EEPD1: variants seen among roughly 807,000 people sequenced by gnomAD.
EEPD1 encodes the protein endonuclease/exonuclease/phosphatase family domain containing 1.
Under a neutral mutation model 46.3 loss-of-function variants are expected in EEPD1, and 17 were observed. The ratio of observed to expected loss-of-function variants is 0.37; its 90% CI spans 0.25 to 0.55. The LOEUF is 0.55. EEPD1 is among the 20% of genes least tolerant of loss of function. The pLI is 0.83. For missense variants in EEPD1, 673 were observed against 745.6 expected (o/e 0.90, Z 1.13); for synonymous variants, 313 against 315.6 (o/e 0.99, Z 0.09).
At position 36,195,578 on chromosome 7, in the gene EEPD1, A is replaced by G. The variant is rs546782514; in HGVS notation, c.878+40376A>G. Among the ~76,000 whole-genome samples, 12 of 152,340 alleles carry G rather than the reference A, an allele frequency of 7.9e-5. No individual in the cohort carries two copies. The South Asian group carries it at 1.7e-3, about 21-fold the overall frequency. ...AGAAGCAGAGAGTAGAATGGTGGTT[A>G]AAAGAGTTGGGGTGGGGGCTAGGGT... On this transcript the variant is annotated intron_variant, in intron 2 of 7. Transcript: ENST00000242108.
intron 2 of EEPD1, among the ~76,000 whole-genome samples, chr7:36,233,904 G>A (rs1786380787): frequency 1.3e-5 from 2 of 151,994 alleles, no homozygotes; most frequent in Admixed American, 1.3e-4. Context: ...TTTTTGGTGG[G>A]TTTTTTGTTT....
In EEPD1 at chr7:36,212,950, C is replaced by G. The variant is rs188146951; in HGVS notation, c.879-26035C>G. 6.0e-3 allele frequency among the ~76,000 whole-genome samples: 916 copies of G among 152,188 alleles called. 11 individuals are homozygous for G. Among genetic ancestry groups the G allele is most frequent in the African/African-American group, 0.021 (884 of 41,526 alleles). ...GGCAGATCGCCTGAGGTTAAGAGTT[C>G]AAGACCAGCCTGGCCAACATGATGA... On this transcript the variant is annotated intron_variant, in intron 2 of 7. Coordinates refer to ENST00000242108, the MANE Select transcript of EEPD1 (RefSeq NM_030636.3).
intron 2 of EEPD1, among the ~76,000 whole-genome samples, chr7:36,195,461 G>A (rs1314892504): frequency 1.3e-5 from 2 of 152,290 alleles, no homozygotes; most frequent in East Asian, 1.9e-4. Context: ...GAGAAGGCCC[G>A]ACACCTTTAT....
intron 3 of EEPD1, among the ~76,000 whole-genome samples, chr7:36,255,469 T>A (rs1487587342): frequency 1.3e-5 from 2 of 152,078 alleles, no homozygotes; most frequent in Non-Finnish European, 2.9e-5. Context: ...TCTTTATTAC[T>A]GCCTCAATTT....
chr7:36,266,617 A>C (rs764220396), intron 3 of EEPD1, among the ~76,000 whole-genome samples: 3 of 152,230 alleles, frequency 2.0e-5, no homozygotes, highest in Non-Finnish European at 2.9e-5. Flanking sequence ...TCTTAAAGTA[A>C]ACAATTCAGC....
At chr7:36,295,817 G>A (rs1583482917) in intron 6 of EEPD1, among the ~76,000 whole-genome samples, 1 of 152,092 alleles carries the variant, frequency 6.6e-6, no homozygotes, top group Non-Finnish European at 1.5e-5. Context: ...GATCACTTGA[G>A]GTCAGGAGTT....
At chr7:36,172,216 A>G (rs1785097034) in intron 2 of EEPD1, among the ~76,000 whole-genome samples, 1 of 152,192 alleles carries the variant, frequency 6.6e-6, no homozygotes, top group African/African-American at 2.4e-5. Context: ...GCCTCAGGAA[A>G]GTAGAATCTC....
At chr7:36,180,122 C>G (rs1785248893) in intron 2 of EEPD1, among the ~76,000 whole-genome samples, 1 of 152,204 alleles carries the variant, frequency 6.6e-6, no homozygotes, top group Admixed American at 6.5e-5. Context: ...TAAGAAGACT[C>G]TTTCCACCAA....
At chr7:36,194,314 G>T (rs1200358738) in intron 2 of EEPD1, among the ~76,000 whole-genome samples, 3 of 152,180 alleles carry the variant, frequency 2.0e-5, no homozygotes, top group Admixed American at 6.5e-5. Context: ...ATGAATGGAT[G>T]AATGAGTGAA....
chr7:36,158,667 C>A (rs542493926), intron 2 of EEPD1, among the ~76,000 whole-genome samples: 51 of 152,308 alleles, frequency 3.3e-4, no homozygotes, highest in African/African-American at 1.1e-3. Context: ...TTTGCCAAAT[C>A]TCAGTCTTAG....
intron 2 of EEPD1, among the ~76,000 whole-genome samples, chr7:36,236,913 A>G (rs770033464): frequency 2.6e-5 from 4 of 152,218 alleles, no homozygotes; most frequent in Admixed American, 6.5e-5. Flanking sequence ...CAGGCCCCCT[A>G]GCCAGCAGGG....
At chr7:36,239,249 C>T (rs1463382820) in intron 3 of EEPD1, among the ~76,000 whole-genome samples, 1 of 152,158 alleles carries the variant, frequency 6.6e-6, no homozygotes, top group Non-Finnish European at 1.5e-5. Flanking sequence ...TACCTGGCTC[C>T]CTCTGGGTTG....
chr7:36,228,233 A>T (rs932184436), intron 2 of EEPD1, among the ~76,000 whole-genome samples: 1 of 152,088 alleles, frequency 6.6e-6, no homozygotes, highest in Non-Finnish European at 1.5e-5. Context: ...TCCACCCCAC[A>T]TAAAACAAAT....
At chr7:36,245,458 C>T (rs764797744) in intron 3 of EEPD1, among the ~76,000 whole-genome samples, 1 of 152,110 alleles carries the variant, frequency 6.6e-6, no homozygotes, top group East Asian at 1.9e-4. Context: ...CACAGAGACC[C>T]CCAAGGCATA....
At chr7:36,189,651 T>C (rs1419164195) in intron 2 of EEPD1, among the ~76,000 whole-genome samples, 2 of 152,168 alleles carry the variant, frequency 1.3e-5, no homozygotes, top group East Asian at 3.9e-4. Context: ...TACATGGCCC[T>C]GTCCCTGCCC....
intron 3 of EEPD1, among the ~76,000 whole-genome samples, chr7:36,245,188 T>TC (rs1202320446): frequency 6.6e-6 from 1 of 152,164 alleles, no homozygotes; most frequent in Non-Finnish European, 1.5e-5. Context: ...CCTCAGGTCA[T>TC]CCACCCACCT....
chr7:36,292,483 TTCTC>T (rs1032805414), intron 6 of EEPD1, among the ~76,000 whole-genome samples: 1 of 148,470 alleles, frequency 6.7e-6, no homozygotes, highest in African/African-American at 2.4e-5. Flanking sequence ...CTCTCTCTCT[TTCTC>T]TCTCTTTTTC....
intron 3 of EEPD1, among the ~76,000 whole-genome samples, chr7:36,253,781 T>C (rs923419261): frequency 2.0e-5 from 3 of 152,210 alleles, no homozygotes; most frequent in African/African-American, 7.2e-5. Flanking sequence ...TTGCATGATA[T>C]ATCTTTTTCC....
intron 2 of EEPD1, among the ~76,000 whole-genome samples, chr7:36,165,411 C>CA (rs1784966030): frequency 1.6e-5 from 1 of 62,062 alleles, no homozygotes; most frequent in Non-Finnish European, 2.9e-5. Context: ...GATCCATTTC[C>CA]TTTTTTTTTT....
Sources: allele counts gnomAD v4.1 joint callset (sites outside exome capture counted in the v4.1 genomes callset), GRCh38; gene constraint gnomAD v4.1.1; transcripts MANE v1.5; gene names NCBI Gene and HGNC (gene_info 2026-07-23, HGNC 2026-07-21).